The following EMSY variants were observed in gnomAD, a reference collection of about 807,000 sequenced individuals.
EMSY encodes the protein EMSY transcriptional repressor, BRCA2 interacting.
Under a neutral mutation model 134.6 loss-of-function variants are expected in EMSY, and 26 were observed. The ratio of observed to expected loss-of-function variants is 0.19; its 90% CI spans 0.14 to 0.27. The LOEUF is 0.27. EMSY is among the 10% of genes least tolerant of loss of function. EMSY has a pLI of 1.00. For synonymous variants in EMSY, 579 were observed against 577.8 expected (o/e 1.00, Z -0.03); for missense variants, 1,305 against 1,611.4 (o/e 0.81, Z 3.26).
chr11:76,475,779 G>A (rs1948748841), intron 8 of EMSY, among the ~76,000 whole-genome samples: 1 of 152,128 alleles, frequency 6.6e-6, no homozygotes, highest in Admixed American at 6.5e-5. Flanking sequence ...CTCCTGTGTG[G>A]GTACATCAGG....
intron 1 of EMSY, among the ~76,000 whole-genome samples, chr11:76,445,758 C>T (rs1333098348): frequency 3.3e-5 from 5 of 152,148 alleles, no homozygotes; most frequent in Admixed American, 6.5e-5. Flanking sequence ...AGTCGCCGGC[C>T]GCCTCCAAGA....
At chr11:76,459,738 G>A in intron 5 of EMSY, 195 bp from the exon 7 acceptor site, 1 of 530,826 alleles carries the variant, frequency 1.9e-6, no homozygotes, top group Non-Finnish European at 3.2e-6. Flanking sequence ...AAATACTTGG[G>A]AAAAATCTAT....
intron 20 of EMSY, among the ~76,000 whole-genome samples, chr11:76,549,414 T>C (rs1404113293): frequency 1.3e-5 from 2 of 152,240 alleles, no homozygotes; most frequent in Admixed American, 6.5e-5. Context: ...GCAGTGTACC[T>C]ATGATATTTA....
At chr11:76,474,885 A>T (rs1948717219) in intron 8 of EMSY, among the ~76,000 whole-genome samples, 1 of 151,894 alleles carries the variant, frequency 6.6e-6, no homozygotes, top group South Asian at 2.1e-4. Context: ...TGCCCCAGCC[A>T]CCCCAGTAGC....
At chr11:76,486,695 G>A (rs1949196517) in intron 8 of EMSY, among the ~76,000 whole-genome samples, 1 of 152,144 alleles carries the variant, frequency 6.6e-6, no homozygotes, top group South Asian at 2.1e-4. Flanking sequence ...GAGTCTGTCT[G>A]GAAGGTGGGT....
intron 8 of EMSY, among the ~76,000 whole-genome samples, chr11:76,481,226 G>A (rs1948966453): frequency 6.6e-6 from 1 of 152,052 alleles, no homozygotes; most frequent in South Asian, 2.1e-4. Flanking sequence ...TGTATTTTTA[G>A]TAGAGACGGG....
Position 76,459,935 on chromosome 11 carries a change from G to A in EMSY, c.422-1G>A. ...AAACTTTTTTATCGTTCCTTCAGTA[G>A]TGGTTTGCTATTCCTACACAAGTAC... On this transcript the variant is annotated splice_acceptor_variant, in intron 5 of 20. Transcript: ENST00000334736. LOFTEE classifies it high-confidence loss of function. 6.2e-7 allele frequency: 1 copy of A among 1,613,974 alleles called. No homozygotes were observed. The highest frequency in any genetic ancestry group is 8.5e-7 in the Non-Finnish European group (1 of 1,179,916).
chr11:76,518,088 TAC>T (rs1045317221), intron 11 of EMSY, among the ~76,000 whole-genome samples: 6 of 152,142 alleles, frequency 3.9e-5, no homozygotes, highest in Admixed American at 6.5e-5. Context: ...TGAATGAATT[TAC>T]ACAGTTTTCT....
chr11:76,472,541 A>C (rs772566883), intron 7 of EMSY, 23 bp from the exon 9 acceptor site: 5 of 1,601,836 alleles, frequency 3.1e-6, no homozygotes, highest in Non-Finnish European at 4.3e-6. Flanking sequence ...GTACATAAAA[A>C]TAACTTATTT....
intron 20 of EMSY, 117 bp downstream of exon 21, chr11:76,546,414 A>G: frequency 7.4e-7 from 1 of 1,351,968 alleles, no homozygotes; most frequent in Non-Finnish European, 1.0e-6. Flanking sequence ...AGACATAGAT[A>G]TTATCTTTGA....
exon 20 of EMSY, chr11:76,546,188 C>A (rs200500997): frequency 6.2e-7 from 1 of 1,614,148 alleles, no homozygotes; most frequent in Non-Finnish European, 8.5e-7. Flanking sequence ...TCTTCCCTAA[C>A]GACAAGGAAA....
intron 4 of EMSY, among the ~76,000 whole-genome samples, chr11:76,457,550 G>A (rs1310391295): frequency 2.6e-5 from 4 of 152,230 alleles, no homozygotes; most frequent in South Asian, 2.1e-4. Context: ...TTAATGGTGC[G>A]TTTCTTCTAG....
chr11:76,533,595 T>C lies in EMSY; in HGVS notation c.2195-2300T>C, dbSNP rs73495416. Among the ~76,000 whole-genome samples the C allele has an allele frequency of 5.0e-3, 761 of 152,296 alleles. 4 individuals carry two copies. The highest frequency in any genetic ancestry group is 0.017 in the African/African-American group (723 of 41,566). On this transcript the variant is annotated intron_variant, in intron 14 of 20. Transcript: ENST00000334736. ...CCTTCTAACGGAAAAGTCTTAAGAT[T>C]CTATGAAAGTATGATCTAGGCCATT...
exon 4 of EMSY, chr11:76,453,360 G>A (rs2134871343): frequency 6.2e-7 from 1 of 1,612,904 alleles, no homozygotes; most frequent in Non-Finnish European, 8.5e-7. Flanking sequence ...AGCAGTAAAC[G>A]ATGAACGGTT....
rs767488407 is a variant in EMSY at position 76,472,810 on chromosome 11, C to T, written c.1078C>T (p.Pro360Ser). ...AGTAACAGCTGTGGTGTCCTCTACA[C>T]CATCTGTGGTCATGTCAACAGTAGC... is the stretch of plus-strand genomic sequence containing the variant. The change falls in exon 8 of 21, where the codon CCA becomes TCA. Residue 360 changes from proline (P) to serine (S), a missense_variant. Coordinates refer to ENST00000334736, the Ensembl canonical transcript of EMSY. 9.3e-6 allele frequency: 15 copies of T among 1,614,088 alleles called. No individual in the cohort carries two copies. In the Admixed American group the frequency reaches 1.0e-4, roughly 11 times the overall value.
intron 10 of EMSY, among the ~76,000 whole-genome samples, chr11:76,515,728 T>C (rs1950428575): frequency 6.6e-6 from 1 of 152,140 alleles, no homozygotes. Context: ...CAACATTGGG[T>C]TTGGCACTAA....
intron 4 of EMSY, 153 bp from the exon 6 acceptor site, chr11:76,458,030 C>T: frequency 1.9e-6 from 1 of 528,514 alleles, no homozygotes; most frequent in East Asian, 3.3e-5. Flanking sequence ...TATAATTATT[C>T]ATAATTTTGA....
intron 14 of EMSY, among the ~76,000 whole-genome samples, chr11:76,535,072 A>AAT (rs1951176734): frequency 6.6e-6 from 1 of 152,212 alleles, no homozygotes; most frequent in African/African-American, 2.4e-5. Flanking sequence ...AGGGTCTTAG[A>AAT]ATTCAGAACT....
Position 76,528,279 on chromosome 11 carries a change from AC to A in EMSY, c.2010del (p.Lys671AsnfsTer3). 6.2e-7 allele frequency: 1 copy of A among 1,613,502 alleles called. No homozygotes were observed. Among genetic ancestry groups the A allele is most frequent in the Non-Finnish European group, 8.5e-7 (1 of 1,179,556 alleles). On this transcript the variant is annotated frameshift_variant, in exon 14 of 21. Coordinates refer to ENST00000334736, the Ensembl canonical transcript of EMSY. LOFTEE classifies it high-confidence loss of function. ...TGCTTTTCTCCTAGGTTCTTATTAA[AC>A]CCAAACCAGTGACTTTTCAAGCGAC...
Sources: allele counts gnomAD v4.1 joint callset (sites outside exome capture counted in the v4.1 genomes callset), GRCh38; gene constraint gnomAD v4.1.1; transcripts MANE v1.5; gene names NCBI Gene and HGNC (gene_info 2026-07-23, HGNC 2026-07-21).